DNAH14: variants seen among roughly 807,000 people sequenced by gnomAD.
DNAH14 encodes the protein axonemal beta dynein heavy chain 14.
Under a neutral mutation model 520.9 loss-of-function variants are expected in DNAH14, and 478 were observed. That is an observed-to-expected ratio of 0.92 (90% CI 0.85 to 0.99). The LOEUF (loss-of-function observed/expected upper bound fraction) is 0.99, where lower values mean the gene tolerates loss of function less well. Ranked by LOEUF, DNAH14 falls within the 50% of genes least tolerant of loss-of-function variation. The pLI is 0.00. For synonymous variants in DNAH14, 1,581 were observed against 1,757.2 expected, an observed-to-expected ratio of 0.90 and a Z score of 2.51; for missense variants, 4,831 against 5,234.5, an observed-to-expected ratio of 0.92 and a Z score of 2.38.
intron 56 of DNAH14, among the ~76,000 whole-genome samples, chr1:225,301,943 T>C (rs2150072847): frequency 1.3e-5 from 2 of 151,970 alleles, no homozygotes; most frequent in East Asian, 3.9e-4. Flanking sequence ...ATTGTGGCAC[T>C]CTTGTGCCTT....
intron 66 of DNAH14, among the ~76,000 whole-genome samples, chr1:225,336,010 C>CACACATATAT (rs1308375041): frequency 1.2e-5 from 1 of 80,306 alleles, no homozygotes; most frequent in East Asian, 5.0e-4. Context: ...TATATGTATA[C>CACACATATAT]GCATATATGC....
chr1:224,980,600 C>T (rs1200226820), intron 8 of DNAH14, among the ~76,000 whole-genome samples: 2 of 152,150 alleles, frequency 1.3e-5, no homozygotes, highest in Non-Finnish European at 2.9e-5. Flanking sequence ...GGCTTTGCCA[C>T]CTGCTGATTG....
intron 53 of DNAH14, among the ~76,000 whole-genome samples, chr1:225,277,113 G>A (rs2093501941): frequency 1.9e-5 from 2 of 104,974 alleles, no homozygotes. Flanking sequence ...AAGGGGGAGG[G>A]GGGGAGGGGG....
chr1:225,394,192 AT>A (rs1455574966), intron 84 of DNAH14, among the ~76,000 whole-genome samples: 5 of 152,180 alleles, frequency 3.3e-5, no homozygotes, highest in African/African-American at 4.8e-5. Context: ...TTTTAAAATG[AT>A]TATTGATATT....
Position 225,381,364 on chromosome 1 carries a change from A to T in DNAH14, c.12881-19A>T. The T allele has an allele frequency of 6.6e-7, 1 of 1,524,172 alleles. No individual in the cohort carries two copies. Among genetic ancestry groups the T allele is most frequent in the East Asian group, 2.5e-5 (1 of 40,736 alleles). The allele number at this position is 1,524,172 out of a possible 1,614,324, so 94.4% of individuals were successfully genotyped here. A position where few individuals can be genotyped will look rare whatever the true frequency, so the allele number is the denominator to read the frequency against. ...TTAATCTGTAAAATATCAAAATTTT[A>T]TTTCTTTTTAAAATCCAGATCACGA... On this transcript the variant is annotated intron_variant, in intron 80 of 85. Transcript: ENST00000682510.
intron 20 of DNAH14, among the ~76,000 whole-genome samples, chr1:225,083,078 T>C (rs1413562345): frequency 1.3e-5 from 2 of 152,142 alleles, no homozygotes; most frequent in Admixed American, 1.3e-4. Context: ...ATTCATTATA[T>C]GTAAAATGAA....
chr1:225,210,176 GGA>G (rs2088179085), intron 41 of DNAH14, among the ~76,000 whole-genome samples: 1 of 152,002 alleles, frequency 6.6e-6, no homozygotes, highest in Non-Finnish European at 1.5e-5. Flanking sequence ...TCACTGCCCT[GGA>G]AAGGAGGCTG....
At chr1:225,196,521 GGGT>G (rs2086156794) in intron 38 of DNAH14, among the ~76,000 whole-genome samples, 1 of 152,030 alleles carries the variant, frequency 6.6e-6, no homozygotes, top group Non-Finnish European at 1.5e-5. Flanking sequence ...CTTTTCCTCT[GGGT>G]AGATACCCAG....
Position 225,150,210 on chromosome 1 carries a change from A to G in DNAH14, c.4941-1795A>G, listed in dbSNP as rs145493280. ...AATGAATATATTTATTGATTTGCAT[A>G]TATTGAACCAACCTTGCACCCCAGG... On this transcript the variant is annotated intron_variant, in intron 31 of 85. Coordinates refer to ENST00000682510, the MANE Select transcript of DNAH14 (RefSeq NM_001367479.1). Among the ~76,000 whole-genome samples, 351 of 152,306 alleles carry G rather than the reference A, an allele frequency of 2.3e-3. 4 individuals carry two copies. Among genetic ancestry groups the G allele is most frequent in the East Asian group, 0.021 (111 of 5,190 alleles).
At chr1:224,983,576 G>A (rs2062422942) in intron 8 of DNAH14, among the ~76,000 whole-genome samples, 1 of 152,036 alleles carries the variant, frequency 6.6e-6, no homozygotes, top group Non-Finnish European at 1.5e-5. Context: ...GGAGATAAAG[G>A]GCATCCAAAT....
chr1:224,967,642 G>T, intron 6 of DNAH14, 59 bp downstream of exon 6: 2 of 1,596,284 alleles, frequency 1.3e-6, no homozygotes, highest in Non-Finnish European at 1.7e-6. Flanking sequence ...ATTATCCAAG[G>T]TAGAATTTAA....
At chr1:225,056,832 G>C (rs1404995960) in intron 17 of DNAH14, among the ~76,000 whole-genome samples, 2 of 152,210 alleles carry the variant, frequency 1.3e-5, no homozygotes, top group African/African-American at 4.8e-5. Flanking sequence ...TCAAAGATCA[G>C]ATGGTTGTAG....
rs1451232219 is a variant in DNAH14 at position 225,038,645 on chromosome 1, GAT to G, written c.1359-45_1359-44del. On this transcript the variant is annotated intron_variant, in intron 11 of 85. Coordinates refer to ENST00000682510, the MANE Select transcript of DNAH14 (RefSeq NM_001367479.1). Reference sequence around the variant, plus strand: ...GTTGTAGGTGTTCTTTATATATGTAGATATAAATGATTTTTAAATGATTTTTT... The same window carrying G: ...GTTGTAGGTGTTCTTTATATATGTAGATAAATGATTTTTAAATGATTTTTT... The G allele has an allele frequency of 6.8e-6, 10 of 1,479,858 alleles. No homozygotes were observed. In the African/African-American group the frequency reaches 1.2e-4, roughly 17 times the overall value. 91.7% of individuals were successfully genotyped at this position (1,479,858 alleles called of 1,614,324 possible). A position where few individuals can be genotyped will look rare whatever the true frequency, so the allele number is the denominator to read the frequency against.
At chr1:225,294,836 A>T (rs78379329) in intron 55 of DNAH14, among the ~76,000 whole-genome samples, 6,663 of 150,698 alleles carry the variant, frequency 0.044, 500 homozygotes, top group African/African-American at 0.15. Context: ...AAAAAAAAAA[A>T]AGTTGGTAGA....
rs530521099 is a variant in DNAH14 at position 225,130,832 on chromosome 1, T to A, written c.4254+7218T>A. On this transcript the variant is annotated intron_variant, in intron 27 of 85. Coordinates refer to ENST00000682510, the MANE Select transcript of DNAH14 (RefSeq NM_001367479.1). ...ACTTAAAGTATAATAATAATAATAA[T>A]AAAATAAAATAAAAAAAGGAAAAAA... Among the ~76,000 whole-genome samples the A allele has an allele frequency of 1.5e-4, 21 of 144,750 alleles. 1 individual carries two copies. The East Asian group carries it at 3.0e-3, about 21-fold the overall frequency. The allele number at this position is 144,750 out of a possible 152,430, so 95.0% of individuals were successfully genotyped here.
At chr1:224,969,661 C>T (rs952988355) in intron 7 of DNAH14, 5 of 272,382 alleles carry the variant, frequency 1.8e-5, no homozygotes, top group African/African-American at 4.6e-5. Context: ...ACGGAGGGAC[C>T]GGCCGAAGCC....
At chr1:225,240,540 A>T in intron 42 of DNAH14, 53 bp from the exon 43 acceptor site, 1 of 1,114,468 alleles carries the variant, frequency 9.0e-7, no homozygotes, top group Non-Finnish European at 1.3e-6. Context: ...TTCTATTCTT[A>T]AACTGCTTTC....
At chr1:225,292,645 G>A (rs1433935396) in intron 55 of DNAH14, among the ~76,000 whole-genome samples, 2 of 151,990 alleles carry the variant, frequency 1.3e-5, no homozygotes, top group East Asian at 1.9e-4. Flanking sequence ...AATATCATTA[G>A]CATTTTTCAG....
At position 225,011,349 on chromosome 1, in the gene DNAH14, G is replaced by A. The variant is rs527973212; in HGVS notation, c.1107+3805G>A. Among the ~76,000 whole-genome samples, 13 of 152,084 alleles carry A rather than the reference G, an allele frequency of 8.5e-5. No homozygotes were observed. In the South Asian group the frequency reaches 2.1e-3, roughly 24 times the overall value. On this transcript the variant is annotated intron_variant, in intron 10 of 85. Transcript: ENST00000682510. The stretch of plus-strand genomic sequence containing the variant: ...ACTTAATCATTTCTGCTTTAATTTT[G>A]TCATTTACCCAGTAGTCATTCAGAA...
Sources: gnomAD v4.1 joint callset for allele counts (sites outside exome capture counted in the v4.1 genomes callset) on GRCh38, gnomAD v4.1.1 for gene constraint, MANE v1.5 for transcripts, NCBI Gene and HGNC (gene_info 2026-07-23, HGNC 2026-07-21) for gene names.